LUZP2: variants seen among roughly 807,000 people sequenced by gnomAD.
LUZP2 encodes the protein leucine zipper protein 2.
Under a neutral mutation model 51.6 loss-of-function variants are expected in LUZP2, and 52 were observed. The observed-to-expected ratio is 1.01, with a 90% CI of 0.81 to 1.27. LUZP2 has a LOEUF of 1.27. Among genes scored for constraint, LUZP2 ranks in the 50% most tolerant of loss-of-function variants. LUZP2 has a pLI of 0.00. For synonymous variants in LUZP2, 154 were observed against 137.3 expected, an observed-to-expected ratio of 1.12 and a Z score of -0.85; for missense variants, 436 against 395.4, an observed-to-expected ratio of 1.10 and a Z score of -0.87.
At chr11:24,951,944 C>T (rs1022190204) in intron 7 of LUZP2, among the ~76,000 whole-genome samples, 3 of 151,772 alleles carry the variant, frequency 2.0e-5, no homozygotes, top group Non-Finnish European at 3.0e-5. Context: ...ATCATTATCA[C>T]TATCACAATT....
Position 24,566,329 on chromosome 11 carries a change from T to TATTTA in LUZP2, c.62+69024_62+69025insATTTA, listed in dbSNP as rs369179171. Among the ~76,000 whole-genome samples the TATTTA allele has an allele frequency of 1.5e-4, 19 of 130,024 alleles. 1 individual carries two copies. Among genetic ancestry groups the TATTTA allele is most frequent in the African/African-American group, 1.8e-4 (6 of 33,368 alleles). The allele number at this position is 130,024 out of a possible 152,430, so 85.3% of individuals were successfully genotyped here. A position where few individuals can be genotyped will look rare whatever the true frequency, so the allele number is the denominator to read the frequency against. On this transcript the variant is annotated intron_variant, in intron 1 of 11. Transcript: ENST00000336930. ...TTATTTATTGTATTATTTATTTATT[T>TATTTA]TTTTTTTTTTTTTTTTTTTGAGACG... is the stretch of plus-strand genomic sequence containing the variant.
chr11:24,615,812 T>G (rs1167502831), intron 1 of LUZP2, among the ~76,000 whole-genome samples: 1 of 151,124 alleles, frequency 6.6e-6, no homozygotes, highest in Non-Finnish European at 1.5e-5. Context: ...ATTTTGGTTT[T>G]ATATATGTCT....
intron 1 of LUZP2, among the ~76,000 whole-genome samples, chr11:24,524,678 G>A (rs906785353): frequency 1.3e-5 from 2 of 151,660 alleles, no homozygotes; most frequent in Admixed American, 6.6e-5. Flanking sequence ...AGTGATTTAC[G>A]TAATTATGAG....
chr11:24,971,765 TTTCTTA>T (rs1427736337), intron 7 of LUZP2, among the ~76,000 whole-genome samples: 1 of 152,094 alleles, frequency 6.6e-6, no homozygotes, highest in Admixed American at 6.6e-5. Context: ...TTTATTACTT[TTTCTTA>T]TTCTTTTTGT....
chr11:24,602,247 T>TATGTACATAC (rs1554961983), intron 1 of LUZP2, among the ~76,000 whole-genome samples: 326 of 133,140 alleles, frequency 2.4e-3, no homozygotes, highest in Non-Finnish European at 4.2e-3. Flanking sequence ...TATATATGTA[T>TATGTACATAC]ATATATGCAA....
At position 24,550,822 on chromosome 11, in the gene LUZP2, C is replaced by T. The variant is rs943768648; in HGVS notation, c.62+53517C>T. Among the ~76,000 whole-genome samples, 25 of 152,072 alleles carry T rather than the reference C, an allele frequency of 1.6e-4. No individual in the cohort carries two copies. In the South Asian group the frequency reaches 2.9e-3, roughly 18 times the overall value. ...GGAACAGTGGCTTATACCTGTAATCCCAGCATTTTGGGAGGCCGAGGTGGG... is the reference window on the plus strand; with the variant it reads ...GGAACAGTGGCTTATACCTGTAATCTCAGCATTTTGGGAGGCCGAGGTGGG... On this transcript the variant is annotated intron_variant, in intron 1 of 11. Coordinates refer to ENST00000336930, the MANE Select transcript of LUZP2 (RefSeq NM_001009909.4).
chr11:24,790,406 C>T lies in LUZP2; in HGVS notation c.396+27098C>T, dbSNP rs148737493. 9.9e-5 allele frequency among the ~76,000 whole-genome samples: 15 copies of T among 152,144 alleles called. 1 individual carries two copies. In the East Asian group the frequency reaches 1.2e-3, roughly 12 times the overall value. ...GTTGACTATGCTCACATTTTTTAAACGCTTGCTTTACTTGTCTTTCATAAC... is the reference window on the plus strand; with the variant it reads ...GTTGACTATGCTCACATTTTTTAAATGCTTGCTTTACTTGTCTTTCATAAC... On this transcript the variant is annotated intron_variant, in intron 5 of 11. Transcript: ENST00000336930.
Position 24,502,199 on chromosome 11 carries a change from G to T in LUZP2, c.62+4894G>T, listed in dbSNP as rs147795240. On this transcript the variant is annotated intron_variant, in intron 1 of 11. Coordinates refer to ENST00000336930, the MANE Select transcript of LUZP2 (RefSeq NM_001009909.4). Reference sequence around the variant, plus strand: ...TTAATATTATTTTTATAAAATCTTTGTGATTGATTTGGCCATAGCAGAAAA... The same window carrying T: ...TTAATATTATTTTTATAAAATCTTTTTGATTGATTTGGCCATAGCAGAAAA... Among the ~76,000 whole-genome samples the T allele has an allele frequency of 2.0e-3, 276 of 139,766 alleles. 2 individuals carry two copies. Among genetic ancestry groups the T allele is most frequent in the Admixed American group, 5.8e-3 (84 of 14,442 alleles). 91.7% of individuals were successfully genotyped at this position (139,766 alleles called of 152,430 possible). A position where few individuals can be genotyped will look rare whatever the true frequency, so the allele number is the denominator to read the frequency against.
intron 1 of LUZP2, among the ~76,000 whole-genome samples, chr11:24,628,722 C>T (rs1015349550): frequency 2.6e-5 from 4 of 152,048 alleles, no homozygotes; most frequent in Non-Finnish European, 5.9e-5. Context: ...CCATGCCTAG[C>T]TAATTATTGT....
intron 1 of LUZP2, among the ~76,000 whole-genome samples, chr11:24,544,029 A>C (rs1213169019): frequency 3.3e-5 from 5 of 152,036 alleles, no homozygotes; most frequent in Non-Finnish European, 7.4e-5. Flanking sequence ...TGATGGAAAA[A>C]AAGCAGCCTT....
chr11:24,986,722 G>GA (rs1165144010), intron 9 of LUZP2, among the ~76,000 whole-genome samples: 19 of 151,642 alleles, frequency 1.3e-4, no homozygotes, highest in East Asian at 5.8e-4. Context: ...ATAGCATTCT[G>GA]AAAAAACTCA....
At chr11:24,795,551 T>A (rs569173693) in intron 5 of LUZP2, among the ~76,000 whole-genome samples, 1 of 152,256 alleles carries the variant, frequency 6.6e-6, no homozygotes, top group East Asian at 1.9e-4. Flanking sequence ...ATTTCATGAT[T>A]AAGAAACAAA....
At chr11:24,527,912 A>G (rs1850864689) in intron 1 of LUZP2, among the ~76,000 whole-genome samples, 1 of 151,336 alleles carries the variant, frequency 6.6e-6, no homozygotes, top group East Asian at 1.9e-4. Flanking sequence ...TATAATTGGT[A>G]GTGCTAAAGC....
chr11:24,615,670 A>G (rs1854261788), intron 1 of LUZP2, among the ~76,000 whole-genome samples: 1 of 152,014 alleles, frequency 6.6e-6, no homozygotes, highest in African/African-American at 2.4e-5. Context: ...GCCCAGGAAT[A>G]TGTAATTGTT....
chr11:24,758,087 T>C (rs1859840212), intron 4 of LUZP2, among the ~76,000 whole-genome samples: 1 of 152,148 alleles, frequency 6.6e-6, no homozygotes, highest in Non-Finnish European at 1.5e-5. Flanking sequence ...AATCAATTCA[T>C]AACAATATGA....
intron 1 of LUZP2, among the ~76,000 whole-genome samples, chr11:24,540,904 A>C (rs917388950): frequency 1.3e-5 from 2 of 152,126 alleles, no homozygotes; most frequent in African/African-American, 4.8e-5. Flanking sequence ...GACAAAACAT[A>C]ATTTAAATAA....
At chr11:24,803,068 T>A (rs1235331615) in intron 5 of LUZP2, among the ~76,000 whole-genome samples, 1 of 151,938 alleles carries the variant, frequency 6.6e-6, no homozygotes, top group Non-Finnish European at 1.5e-5. Flanking sequence ...TAAGACAATA[T>A]CATCAGAGTA....
At chr11:24,831,527 GA>G (rs1850706006) in intron 5 of LUZP2, among the ~76,000 whole-genome samples, 1 of 152,076 alleles carries the variant, frequency 6.6e-6, no homozygotes, top group Admixed American at 6.6e-5. Context: ...AGAAAGAAAA[GA>G]AAATGTATGA....
At chr11:24,662,855 G>T (rs1334441616) in intron 1 of LUZP2, among the ~76,000 whole-genome samples, 1 of 151,926 alleles carries the variant, frequency 6.6e-6, no homozygotes, top group Admixed American at 6.6e-5. Context: ...ATATGCAGTG[G>T]CAAGAAAAAA....
Sources: gnomAD v4.1 joint callset for allele counts (sites outside exome capture counted in the v4.1 genomes callset) on GRCh38, gnomAD v4.1.1 for gene constraint, MANE v1.5 for transcripts, NCBI Gene and HGNC (gene_info 2026-07-23, HGNC 2026-07-21) for gene names.